Variants in MSH4 observed in about 807,000 individuals in gnomAD.
MSH4 encodes the protein mutS protein homolog 4.
In MSH4, 106 loss-of-function variants were observed where a neutral mutation model predicts 113.7. That is an observed-to-expected ratio of 0.93 (90% CI 0.80 to 1.10). The LOEUF is 1.10. MSH4 is among the 50% of genes least tolerant of loss of function. The pLI, the probability that MSH4 is intolerant of heterozygous loss-of-function variation, is 0.00. For synonymous variants in MSH4, 368 were observed against 380.2 expected (o/e 0.97, Z 0.37); for missense variants, 1,061 against 1,093.7 (o/e 0.97, Z 0.42).
intron 7 of MSH4, among the ~76,000 whole-genome samples, chr1:75,843,822 T>C (rs1280805821): frequency 1.3e-5 from 2 of 152,104 alleles, no homozygotes; most frequent in African/African-American, 4.8e-5. Flanking sequence ...GGTTTCTTTT[T>C]TTTTTTGAGA....
chr1:75,908,180 C>T (rs1405925745), intron 19 of MSH4, among the ~76,000 whole-genome samples: 7 of 144,426 alleles, frequency 4.8e-5, no homozygotes, highest in African/African-American at 1.8e-4. Flanking sequence ...GAGTCTGGCT[C>T]TGTCACCCAG....
chr1:75,896,249 CT>C (rs1160849748), intron 17 of MSH4, among the ~76,000 whole-genome samples: 2 of 151,986 alleles, frequency 1.3e-5, no homozygotes, highest in African/African-American at 2.4e-5. Flanking sequence ...CATCAACTCT[CT>C]TGGGTCTCCA....
In MSH4 at chr1:75,826,073, G is replaced by A. The variant is rs142303441; in HGVS notation, c.1162+3492G>A. 3.3e-4 allele frequency among the ~76,000 whole-genome samples: 50 copies of A among 151,274 alleles called. No individual in the cohort carries two copies. The East Asian group carries it at 8.2e-3, about 25-fold the overall frequency. On this transcript the variant is annotated intron_variant, in intron 7 of 19. Coordinates refer to ENST00000263187, the MANE Select transcript of MSH4 (RefSeq NM_002440.4). The stretch of plus-strand genomic sequence containing the variant: ...CCTCCTTGTACCTCTGGTAGAATTC[G>A]GCTGTGAATCCATCTGGTCCTGAGC...
intron 9 of MSH4, among the ~76,000 whole-genome samples, chr1:75,869,586 C>T (rs1034865809): frequency 1.4e-4 from 21 of 152,150 alleles, no homozygotes; most frequent in Admixed American, 3.9e-4. Flanking sequence ...TGCTCTGCGT[C>T]GCAGTTGCTC....
At chr1:75,883,882 T>G in intron 15 of MSH4, 61 bp downstream of exon 15, 1 of 1,442,316 alleles carries the variant, frequency 6.9e-7, no homozygotes. Flanking sequence ...GCTTTGTGCC[T>G]AATTTTTTTA....
chr1:75,861,119 T>C (rs931092914), intron 8 of MSH4, among the ~76,000 whole-genome samples: 2 of 152,190 alleles, frequency 1.3e-5, no homozygotes, highest in African/African-American at 2.4e-5. Context: ...CATCAGGACA[T>C]TTAAGCTCTT....
intron 7 of MSH4, among the ~76,000 whole-genome samples, chr1:75,827,284 T>A (rs1379969822): frequency 6.6e-6 from 1 of 152,126 alleles, no homozygotes; most frequent in Non-Finnish European, 1.5e-5. Flanking sequence ...GACAAGCAAA[T>A]GCTGAGGGAT....
chr1:75,866,607 G>A (rs570749203), intron 8 of MSH4, among the ~76,000 whole-genome samples: 98 of 152,140 alleles, frequency 6.4e-4, no homozygotes, highest in Admixed American at 2.6e-3. Context: ...ATTTATTATG[G>A]CATTTTTTCT....
In MSH4 at chr1:75,876,960, C is replaced by A. The variant is rs757262974; in HGVS notation, c.1330C>A (p.Pro444Thr). The change falls in exon 10 of 20, where the codon CCT becomes ACT. Residue 444 changes from proline to threonine, a missense_variant. By Grantham distance (38) the Pro-to-Thr change is conservative (BLOSUM62 -1). Transcript: ENST00000263187. The part of the protein sequence containing the change: ...LKIAMKNCNT[P>T]LLRAYYGSLE... The stretch of plus-strand genomic sequence containing the variant: ...GATTGCTATGAAGAACTGTAACACA[C>A]CTTTATTAAGAGCTTACTATGGTTC... The A allele has an allele frequency of 1.3e-6, 2 of 1,562,276 alleles. No individual in the cohort carries two copies. Among genetic ancestry groups the A allele is most frequent in the African/African-American group, 2.8e-5 (2 of 72,580 alleles).
chr1:75,863,262 G>A (rs1156407191), intron 8 of MSH4, among the ~76,000 whole-genome samples: 1 of 152,000 alleles, frequency 6.6e-6, no homozygotes. Flanking sequence ...ATACTCCAAT[G>A]TTATATTTGG....
chr1:75,809,976 T>C (rs1650153380), intron 3 of MSH4, among the ~76,000 whole-genome samples: 1 of 152,104 alleles, frequency 6.6e-6, no homozygotes, highest in African/African-American at 2.4e-5. Context: ...TGGATGTATT[T>C]ACATTTTTCA....
At position 75,828,321 on chromosome 1, in the gene MSH4, A is replaced by G. The variant is rs1012119392; in HGVS notation, c.1162+5740A>G. ...CCCATTACTGGATATATACCCAAAC[A>G]TAAATAAATTGTTCTCCCAAAAAGA... On this transcript the variant is annotated intron_variant, in intron 7 of 19. Coordinates refer to ENST00000263187, the MANE Select transcript of MSH4 (RefSeq NM_002440.4). Among the ~76,000 whole-genome samples, 12 of 152,300 alleles carry G rather than the reference A, an allele frequency of 7.9e-5. No individual in the cohort carries two copies. The South Asian group carries it at 2.1e-3, about 26-fold the overall frequency.
chr1:75,830,365 T>G (rs180971400), intron 7 of MSH4, among the ~76,000 whole-genome samples: 8 of 152,246 alleles, frequency 5.3e-5, no homozygotes, highest in Admixed American at 2.0e-4. Flanking sequence ...AAAACACTCT[T>G]CAGGATATTA....
At chr1:75,854,286 A>C (rs1570968815) in intron 8 of MSH4, among the ~76,000 whole-genome samples, 1 of 151,924 alleles carries the variant, frequency 6.6e-6, no homozygotes, top group Non-Finnish European at 1.5e-5. Flanking sequence ...CCAATCTCCT[A>C]CTACTGCTGC....
chr1:75,878,814 G>A (rs1157280962), intron 11 of MSH4, among the ~76,000 whole-genome samples, 178 bp from the exon 12 acceptor site: 5 of 145,104 alleles, frequency 3.4e-5, no homozygotes, highest in South Asian at 5.0e-4. Context: ...GGGCGACAGA[G>A]TGAGATCTGT....
At chr1:75,893,621 G>T (rs1652308019) in intron 17 of MSH4, among the ~76,000 whole-genome samples, 1 of 152,136 alleles carries the variant, frequency 6.6e-6, no homozygotes, top group Non-Finnish European at 1.5e-5. Context: ...ACATTTCTTT[G>T]CCTCTAGACC....
At chr1:75,881,195 AT>A (rs1263676715) in intron 13 of MSH4, 50 bp from the exon 14 acceptor site, 1 of 1,415,622 alleles carries the variant, frequency 7.1e-7, no homozygotes, top group East Asian at 2.3e-5. Flanking sequence ...ATTACAATGT[AT>A]GTCCCTTTTG....
At chr1:75,805,132 GTTTATT>G (rs1438543926) in intron 2 of MSH4, among the ~76,000 whole-genome samples, 1 of 151,836 alleles carries the variant, frequency 6.6e-6, no homozygotes, top group Non-Finnish European at 1.5e-5. Context: ...GCCCTGACCT[GTTTATT>G]TTTAAGTAGA....
rs149421389 is a variant in MSH4 at position 75,870,787 on chromosome 1, C to G, written c.1305+3199C>G. ...TCTTTCTTAGCAGCATGAGAAAGGA[C>G]TAATACAAATATGTATAGTTAAAGT... On this transcript the variant is annotated intron_variant, in intron 9 of 19. Coordinates refer to ENST00000263187, the MANE Select transcript of MSH4 (RefSeq NM_002440.4). 7.9e-5 allele frequency among the ~76,000 whole-genome samples: 12 copies of G among 152,168 alleles called. 1 individual carries two copies. Among genetic ancestry groups the G allele is most frequent in the African/African-American group, 2.9e-4 (12 of 41,522 alleles).
Sources: allele counts gnomAD v4.1 joint callset (sites outside exome capture counted in the v4.1 genomes callset), GRCh38; gene constraint gnomAD v4.1.1; transcripts MANE v1.5; gene names NCBI Gene and HGNC (gene_info 2026-07-23, HGNC 2026-07-21).